TTC39A: variants seen among roughly 807,000 people sequenced by gnomAD.
The protein encoded by TTC39A is tetratricopeptide repeat protein 39A.
TTC39A carries 46 observed loss-of-function variants against 82.3 expected under a neutral mutation model. The observed-to-expected ratio is 0.56, with a 90% CI of 0.44 to 0.71. The LOEUF is 0.71. TTC39A is among the 30% of genes least tolerant of loss of function. TTC39A has a pLI of 0.00. For synonymous variants in TTC39A, 254 were observed against 275.2 expected, an observed-to-expected ratio of 0.92 and a Z score of 0.76; for missense variants, 543 against 712.9, an observed-to-expected ratio of 0.76 and a Z score of 2.71.
chr1:51,322,712 G>A (rs115547807), intron 1 of TTC39A, among the ~76,000 whole-genome samples: 1 of 152,136 alleles, frequency 6.6e-6, no homozygotes, highest in Non-Finnish European at 1.5e-5. Flanking sequence ...CAGAAGCCCT[G>A]CCTATTTGAT....
upstream of TTC39A, chr1:51,331,292 C>T: frequency 6.5e-7 from 1 of 1,546,412 alleles, no homozygotes; most frequent in South Asian, 1.2e-5. Flanking sequence ...CCCCAAATGT[C>T]CACTGTGCAC....
In TTC39A at chr1:51,330,171, G is replaced by A. The variant is rs572496395; in HGVS notation, c.41+266C>T. On this transcript the variant is annotated intron_variant, in intron 1 of 17. Transcript: ENST00000680483. This position sits in a 1 kb window ranked among gnomAD's most constrained non-coding sequence, Gnocchi z 4.5. ...GCAGGTGGGGAAGGCTGCTCTGAAC[G>A]TGTCTGTGACTACAGCTCCGTGAGA... 3.8e-5 allele frequency: 37 copies of A among 985,666 alleles called. No homozygotes were observed. In the African/African-American group the frequency reaches 6.4e-4, roughly 17 times the overall value. The allele number at this position is 985,666 out of a possible 1,614,324, so 61.1% of individuals were successfully genotyped here. A position where few individuals can be genotyped will look rare whatever the true frequency, so the allele number is the denominator to read the frequency against.
chr1:51,294,532 G>A lies in TTC39A; in HGVS notation c.1146-21C>T. On this transcript the variant is annotated intron_variant, in intron 13 of 17. Transcript: ENST00000680483. The surrounding 1 kb of genome is among the most constrained non-coding windows in gnomAD (Gnocchi z 4.3). ...CAGCTCTGCGAAAGAGATGGGGAGG[G>A]TGGGAGAGGATGAAAAAGAGCAGGA... The A allele has an allele frequency of 6.2e-7, 1 of 1,613,598 alleles. No homozygotes were observed. Among genetic ancestry groups the A allele is most frequent in the South Asian group, 1.1e-5 (1 of 91,026 alleles).
At chr1:51,328,635 T>C (rs1381758280) in intron 1 of TTC39A, among the ~76,000 whole-genome samples, 1 of 152,188 alleles carries the variant, frequency 6.6e-6, no homozygotes, top group African/African-American at 2.4e-5. Context: ...GGAAGAGGTT[T>C]CCACAAGACT....
chr1:51,338,921 G>T (rs1334381744), intron 1 of TTC39A, among the ~76,000 whole-genome samples: 1 of 152,128 alleles, frequency 6.6e-6, no homozygotes, highest in African/African-American at 2.4e-5. Context: ...CCTCCTTTGA[G>T]TGGCCTGTCC....
At chr1:51,337,789 T>G (rs547032089) in intron 1 of TTC39A, among the ~76,000 whole-genome samples, 1 of 152,330 alleles carries the variant, frequency 6.6e-6, no homozygotes, top group East Asian at 1.9e-4. Context: ...TGCATTATTT[T>G]TCCACAGCGC....
At chr1:51,289,752 G>A (rs974123011) in intron 16 of TTC39A, among the ~76,000 whole-genome samples, 7 of 152,296 alleles carry the variant, frequency 4.6e-5, no homozygotes, top group African/African-American at 1.2e-4. Flanking sequence ...AACTCCAGGG[G>A]ACACTGTTCA....
chr1:51,337,814 C>T (rs140316039), intron 1 of TTC39A, among the ~76,000 whole-genome samples: 79 of 152,238 alleles, frequency 5.2e-4, no homozygotes, highest in Admixed American at 2.7e-3. Flanking sequence ...TGTCAAGTGA[C>T]ATCTTTTTAT....
chr1:51,299,200 G>A (rs1178920529), intron 12 of TTC39A: 1 of 152,226 alleles, frequency 6.6e-6, no homozygotes, highest in East Asian at 1.9e-4. Context: ...TTCTGGGGGG[G>A]CGACAATGTT....
chr1:51,308,721 G>A (rs572379305), intron 6 of TTC39A, among the ~76,000 whole-genome samples: 41 of 152,286 alleles, frequency 2.7e-4, no homozygotes, highest in African/African-American at 9.9e-4. Context: ...CAGTTTGAAT[G>A]TCAAGGATCC....
intron 12 of TTC39A, chr1:51,296,642 C>T (rs1244452202): frequency 4.7e-6 from 1 of 213,180 alleles, no homozygotes; most frequent in African/African-American, 2.3e-5. Context: ...AAAGAAGAGG[C>T]TTGAGCCAGA....
At chr1:51,345,048 G>A (rs1178896336) in exon 1 of TTC39A, 5 of 1,471,758 alleles carry the variant, frequency 3.4e-6, no homozygotes, top group Admixed American at 2.3e-5. Flanking sequence ...GGCCATGGGC[G>A]CGGGCCGGGC....
chr1:51,291,112 A>G (rs759643646), intron 14 of TTC39A, among the ~76,000 whole-genome samples: 2 of 152,270 alleles, frequency 1.3e-5, no homozygotes, highest in Non-Finnish European at 2.9e-5. Flanking sequence ...CATTTCCTTT[A>G]GAATGAAGTT....
At position 51,294,747 on chromosome 1, in the gene TTC39A, G is replaced by A. The variant is rs574544003; in HGVS notation, c.1146-236C>T. 7.2e-5 allele frequency among the ~76,000 whole-genome samples: 11 copies of A among 152,292 alleles called. No individual in the cohort carries two copies. In the East Asian group the frequency reaches 1.5e-3, roughly 21 times the overall value. ...ATGGCTGGGCAAGGGGTTCCTCCCC[G>A]CCAGCTGGCAGAGATGAGAGTGTGC... is the stretch of plus-strand genomic sequence containing the variant. On this transcript the variant is annotated intron_variant, in intron 13 of 17. Coordinates refer to ENST00000680483, the MANE Select transcript of TTC39A (RefSeq NM_001297663.2). The surrounding 1 kb of genome is among the most constrained non-coding windows in gnomAD (Gnocchi z 4.3).
intron 14 of TTC39A, among the ~76,000 whole-genome samples, chr1:51,291,816 A>AAG (rs1014465297): frequency 6.6e-6 from 1 of 151,620 alleles, no homozygotes; most frequent in African/African-American, 2.4e-5. Context: ...AAAAAAAAAA[A>AAG]AAAAATTCTT....
intron 1 of TTC39A, among the ~76,000 whole-genome samples, chr1:51,336,696 G>A (rs1467558957): frequency 6.6e-5 from 10 of 151,960 alleles, no homozygotes; most frequent in African/African-American, 7.3e-5. Flanking sequence ...CAATTCATCC[G>A]ATTAGAGAAT....
intron 9 of TTC39A, among the ~76,000 whole-genome samples, chr1:51,302,852 G>T (rs1469765593): frequency 6.6e-6 from 1 of 152,206 alleles, no homozygotes. Context: ...TCTACAGGGT[G>T]GGCACAACCA....
At chr1:51,291,720 C>T (rs1644230148) in intron 14 of TTC39A, among the ~76,000 whole-genome samples, 1 of 148,586 alleles carries the variant, frequency 6.7e-6, no homozygotes, top group African/African-American at 2.5e-5. Context: ...GTGGGAGGAT[C>T]GCTGGAGCCC....
intron 1 of TTC39A, among the ~76,000 whole-genome samples, chr1:51,339,447 G>A (rs1373053123): frequency 6.6e-6 from 1 of 152,208 alleles, no homozygotes; most frequent in Non-Finnish European, 1.5e-5. Flanking sequence ...GAAGCCTTGG[G>A]AATCTTGGGC....
Sources: allele counts gnomAD v4.1 joint callset (sites outside exome capture counted in the v4.1 genomes callset), GRCh38; gene constraint gnomAD v4.1.1; non-coding constraint Gnocchi (gnomAD v3.1); transcripts MANE v1.5; gene names NCBI Gene and HGNC (gene_info 2026-07-23, HGNC 2026-07-21).